TMEM101: variants seen among roughly 807,000 people sequenced by gnomAD.
TMEM101 encodes the protein putative NF-kappa-B-activating protein 130.
In TMEM101, 14 loss-of-function variants were observed where a neutral mutation model predicts 26.0. That is an observed-to-expected ratio of 0.54 (90% CI 0.36 to 0.84). TMEM101 has a LOEUF of 0.84. Ranked by LOEUF, TMEM101 falls within the 40% of genes least tolerant of loss-of-function variation. TMEM101 has a pLI of 0.01. For synonymous variants in TMEM101, 152 were observed against 145.1 expected (o/e 1.05, Z -0.34); for missense variants, 292 against 345.1 (o/e 0.85, Z 1.22).
Position 44,014,445 on chromosome 17 carries a change from C to G in TMEM101, c.230G>C (p.Trp77Ser), listed in dbSNP as rs746049396. The G allele has an allele frequency of 6.4e-7, 1 of 1,558,896 alleles. No individual in the cohort carries two copies. The highest frequency in any genetic ancestry group is 1.2e-5 in the South Asian group (1 of 84,690). The change falls in exon 2 of 4, where the codon TGG (tryptophan) becomes TCG (serine). Residue 77 changes from tryptophan (W) to serine (S), a missense_variant. Transcript: ENST00000206380. ...TTGGAGTGCGGCCCCCAGCGCGAACCAGCGCCGCTTCACGCCAAAGGACAT... is the reference window on the plus strand; with the variant it reads ...TTGGAGTGCGGCCCCCAGCGCGAACGAGCGCCGCTTCACGCCAAAGGACAT... The part of the protein sequence containing the change: ...SFMSFGVKRR[W>S]FALGAALQLA...
upstream of TMEM101, among the ~76,000 whole-genome samples, chr17:44,016,138 C>T (rs2049228360): frequency 6.6e-6 from 1 of 152,070 alleles, no homozygotes; most frequent in African/African-American, 2.4e-5. Flanking sequence ...CACACACACA[C>T]ACACACATAT....
chr17:44,013,278 C>T, intron 2 of TMEM101, 123 bp from the exon 3 acceptor site: 3 of 1,023,482 alleles, frequency 2.9e-6, no homozygotes, highest in Non-Finnish European at 3.9e-6. Flanking sequence ...TCTTACATTT[C>T]CAAGCTTGGT....
At chr17:44,014,995 A>G, upstream of TMEM101, 1 of 1,559,564 alleles carries the variant, frequency 6.4e-7, no homozygotes, top group Non-Finnish European at 8.7e-7. Context: ...CCAGTCAGAG[A>G]AGCAGGCGCG....
At chr17:44,022,390 AG>A (rs1236211462) in intron 1 of TMEM101, among the ~76,000 whole-genome samples, 2 of 152,200 alleles carry the variant, frequency 1.3e-5, no homozygotes, top group Admixed American at 1.3e-4. Context: ...CCACTCAAAC[AG>A]ATGCTTTTTT....
In TMEM101 at chr17:44,014,908, G is replaced by C. The variant is rs767804570; in HGVS notation, c.45C>G (p.Ile15Met). ...TGAGCAGCACCGAACCCAACTGCAT[G>C]ATCAGCTGCAACATCCACCGTCTCG... ...IGSRRWMLQL[I>M]MQLGSVLLTR... The change falls in exon 1 of 4, where the codon ATC becomes ATG. Residue 15 changes from isoleucine (I) to methionine (M), a missense_variant. Ile to Met is a conservative substitution (Grantham distance 10). Transcript: ENST00000206380. The C allele has an allele frequency of 3.7e-6, 6 of 1,613,888 alleles. No homozygotes were observed. The highest frequency in any genetic ancestry group is 5.1e-6 in the Non-Finnish European group (6 of 1,179,950).
chr17:44,015,414 G>A (rs1364246733), upstream of TMEM101, among the ~76,000 whole-genome samples: 1 of 151,434 alleles, frequency 6.6e-6, no homozygotes, highest in Non-Finnish European at 1.5e-5. Context: ...TTGTTTTTGA[G>A]ACGGAGTCTC....
upstream of TMEM101, chr17:44,015,261 C>A: frequency 4.1e-6 from 1 of 241,934 alleles, no homozygotes; most frequent in Non-Finnish European, 8.1e-6. Context: ...TTGAATGCAG[C>A]CCGATCAGGG....
chr17:44,012,346 C>T, intron 3 of TMEM101, 110 bp from the exon 4 acceptor site: 1 of 1,054,338 alleles, frequency 9.5e-7, no homozygotes, highest in Non-Finnish European at 1.3e-6. Context: ...GGGCTTCTGA[C>T]TCCCCTCTTG....
chr17:44,015,772 G>C (rs1313650628), upstream of TMEM101, among the ~76,000 whole-genome samples: 3 of 152,156 alleles, frequency 2.0e-5, no homozygotes, highest in African/African-American at 4.8e-5. Context: ...TAACGCACCA[G>C]AGGAAACCCC....
chr17:44,018,792 T>C (rs777002597), upstream of TMEM101, among the ~76,000 whole-genome samples: 7 of 152,094 alleles, frequency 4.6e-5, no homozygotes, highest in South Asian at 8.3e-4. Context: ...GAGGGGAAGA[T>C]TGGATTGAGG....
At chr17:44,014,655 G>A (rs2049206189) in intron 1 of TMEM101, 118 bp from the exon 2 acceptor site, 3 of 1,498,548 alleles carry the variant, frequency 2.0e-6, no homozygotes, top group Non-Finnish European at 2.7e-6. Context: ...CCCCTCCCAT[G>A]GGCAGGACCG....
upstream of TMEM101, chr17:44,019,379 G>C (rs145007112): frequency 1.2e-5 from 5 of 422,588 alleles, no homozygotes; most frequent in Non-Finnish European, 2.4e-5. Context: ...TCGGCCACTC[G>C]TCCGTGCACA....
chr17:44,014,833 C>G lies in TMEM101; in HGVS notation c.120G>C (p.Glu40Asp). The stretch of plus-strand genomic sequence containing the variant: ...CTGCTCACCGGCGTGCCTCAGCCCT[C>G]TCAGCGTACAGCATGAGCTGGCTGA... ...GCFSQLMLYA[E>D]RAEARRKPDI... Residue 40 changes from glutamate (E) to aspartate (D), a missense_variant, in exon 1 of 4, where the codon GAG becomes GAC. By Grantham distance (45) the Glu-to-Asp change is conservative. Coordinates refer to ENST00000206380, the MANE Select transcript of TMEM101 (RefSeq NM_032376.4). 6.2e-7 allele frequency: 1 copy of G among 1,602,388 alleles called. No individual in the cohort carries two copies. The highest frequency in any genetic ancestry group is 8.5e-7 in the Non-Finnish European group (1 of 1,172,996).
chr17:44,014,101 A>G (rs2049195351), intron 2 of TMEM101, among the ~76,000 whole-genome samples: 1 of 152,190 alleles, frequency 6.6e-6, no homozygotes, highest in African/African-American at 2.4e-5. Flanking sequence ...TCCCACCAGT[A>G]TCCTGTATTG....
chr17:44,015,115 C>A, upstream of TMEM101: 1 of 900,252 alleles, frequency 1.1e-6, no homozygotes, highest in Non-Finnish European at 1.6e-6. Flanking sequence ...GAAGTCCAGC[C>A]TTCTCGTCTG....
At chr17:44,016,165 C>T (rs2049228811), upstream of TMEM101, among the ~76,000 whole-genome samples, 1 of 151,702 alleles carries the variant, frequency 6.6e-6, no homozygotes, top group African/African-American at 2.4e-5. Flanking sequence ...ATCTGCTTTA[C>T]ATATATATGC....
At chr17:44,014,250 A>AG in intron 2 of TMEM101, 107 bp downstream of exon 2, 1 of 1,346,970 alleles carries the variant, frequency 7.4e-7, no homozygotes, top group South Asian at 1.5e-5. Flanking sequence ...CAGGCTTCAC[A>AG]CTGTGCAGCT....
chr17:44,016,754 A>G (rs953203863), upstream of TMEM101, among the ~76,000 whole-genome samples: 2 of 152,222 alleles, frequency 1.3e-5, no homozygotes, highest in Admixed American at 6.5e-5. Flanking sequence ...GAAAACTCCA[A>G]TGCTGGGAAC....
At position 44,014,819 on chromosome 17, in the gene TMEM101, C is replaced by A; in HGVS notation, c.134G>T (p.Arg45Leu). ...GCGGCTGCGTAGGCCTGCTCACCGG[C>A]GTGCCTCAGCCCTCTCAGCGTACAG... ...LMLYAERAEA[R>L]RKPDIPVPYL... The change falls in exon 1 of 4, where the codon CGC becomes CTC. Residue 45 changes from arginine to leucine, a missense_variant. Arg to Leu is a moderately radical substitution (Grantham distance 102). Transcript: ENST00000206380. 1 of 1,574,556 alleles carries A rather than the reference C, an allele frequency of 6.4e-7. No individual in the cohort carries two copies. Among genetic ancestry groups the A allele is most frequent in the Non-Finnish European group, 8.6e-7 (1 of 1,157,856 alleles).
Sources: gnomAD v4.1 joint callset for allele counts (sites outside exome capture counted in the v4.1 genomes callset) on GRCh38, gnomAD v4.1.1 for gene constraint, MANE v1.5 for transcripts, NCBI Gene and HGNC (gene_info 2026-07-23, HGNC 2026-07-21) for gene names.